The following RNF126 variants were observed in gnomAD, a reference collection of about 807,000 sequenced individuals.
RNF126 encodes E3 ubiquitin-protein ligase RNF126.
RNF126 carries 20 observed loss-of-function variants against 41.9 expected under a neutral mutation model. The observed-to-expected ratio is 0.48, with a 90% confidence interval of 0.34 to 0.69. RNF126 has a LOEUF of 0.69. RNF126 is among the 30% of genes least tolerant of loss of function. The pLI is 0.01. For missense variants in RNF126, 433 were observed against 460.6 expected, an observed-to-expected ratio of 0.94 and a Z score of 0.55; for synonymous variants, 239 against 202.9, an observed-to-expected ratio of 1.18 and a Z score of -1.51.
chr19:652,798 C>T, intron 2 of RNF126, 28 bp downstream of exon 2: 1 of 1,609,548 alleles, frequency 6.2e-7, no homozygotes, highest in Non-Finnish European at 8.5e-7. Flanking sequence ...CTGGCTCTTC[C>T]AGCCTCTTCA....
At chr19:652,423 C>T (rs549853640) in intron 2 of RNF126, 127 bp from the exon 3 acceptor site, 100 of 831,030 alleles carry the variant, frequency 1.2e-4, no homozygotes, top group Admixed American at 5.5e-4. Flanking sequence ...CACCCGCCAC[C>T]GCCCCAGCAT....
At chr19:655,036 G>A (rs560500745) in intron 1 of RNF126, among the ~76,000 whole-genome samples, 1 of 152,212 alleles carries the variant, frequency 6.6e-6, no homozygotes, top group African/African-American at 2.4e-5. Context: ...CAGGCCAGGT[G>A]CAGCAGCTCA....
chr19:647,820 C>T lies in RNF126; in HGVS notation c.*308G>A, dbSNP rs1018223020. 1.1e-5 allele frequency: 5 copies of T among 470,024 alleles called. No individual in the cohort carries two copies. Among genetic ancestry groups the T allele is most frequent in the Non-Finnish European group, 2.0e-5 (5 of 252,146 alleles). 29.1% of individuals were successfully genotyped at this position (470,024 alleles called of 1,614,324 possible). A position where few individuals can be genotyped will look rare whatever the true frequency, so the allele number is the denominator to read the frequency against. The stretch of plus-strand genomic sequence containing the variant: ...TGCATGGCCGCCACGTGAGCTCAAA[C>T]GTCCGTTTATTTCAAAGCAGTAATA... On this transcript the variant is annotated 3_prime_UTR_variant, in exon 9 of 9. Coordinates refer to ENST00000292363, the MANE Select transcript of RNF126 (RefSeq NM_194460.3).
chr19:652,361 C>A, intron 2 of RNF126, 65 bp from the exon 3 acceptor site: 1 of 1,357,378 alleles, frequency 7.4e-7, no homozygotes. Flanking sequence ...GGCGCTCCCT[C>A]CCCTCAAAAG....
chr19:656,666 G>A (rs1397703421), intron 1 of RNF126, among the ~76,000 whole-genome samples: 1 of 152,008 alleles, frequency 6.6e-6, no homozygotes, highest in Non-Finnish European at 1.5e-5. Flanking sequence ...AAAGAAAAAG[G>A]GAAAGGGGAA....
chr19:660,419 C>G (rs560291772), intron 1 of RNF126, among the ~76,000 whole-genome samples: 5 of 152,332 alleles, frequency 3.3e-5, no homozygotes, highest in Non-Finnish European at 5.9e-5. Context: ...GCCAGTCCCC[C>G]CTGCGTCAGA....
In RNF126 at chr19:648,248, G is replaced by A; in HGVS notation, c.816C>T (p.Ser272=). 1.3e-6 allele frequency: 2 copies of A among 1,584,504 alleles called. No homozygotes were observed. The highest frequency in any genetic ancestry group is 8.6e-7 in the Non-Finnish European group (1 of 1,165,716). ...QHDSCPVCRK[S]LTGQNTATNP... is the part of the protein sequence containing the mutation. ...TCGTGGCCGTGTTCTGTCCCGTGAG[G>A]CTTTTTCGGCAGACGGGGCAGCTGT... Residue 272 remains serine, a synonymous_variant, in exon 9 of 9, where the codon AGC becomes AGT. Coordinates refer to ENST00000292363, the MANE Select transcript of RNF126 (RefSeq NM_194460.3).
intron 1 of RNF126, among the ~76,000 whole-genome samples, chr19:661,568 C>A (rs1001620508): frequency 2.0e-5 from 3 of 152,138 alleles, no homozygotes; most frequent in Admixed American, 6.5e-5. Flanking sequence ...GAGAGGAAAC[C>A]ACACCTCTCT....
At position 663,113 on chromosome 19, in the gene RNF126, C is replaced by T. The variant is rs1267572362; in HGVS notation, c.9G>A (p.Glu3=). 9 of 1,320,286 alleles carry T rather than the reference C, an allele frequency of 6.8e-6. No individual in the cohort carries two copies. The highest frequency in any genetic ancestry group is 8.8e-6 in the Non-Finnish European group (9 of 1,028,498). The allele number at this position is 1,320,286 out of a possible 1,614,324, so 81.8% of individuals were successfully genotyped here. A position where few individuals can be genotyped will look rare whatever the true frequency, so the allele number is the denominator to read the frequency against. ...AGTACCGTCCGGGATGCGGCGACGC[C>T]TCGGCCATGGCCGCCGCCACCTACT... MA[E]ASPHPGRYFC... is the part of the protein sequence containing the mutation. The change falls in exon 1 of 9, where the codon GAG becomes GAA. Residue 3 remains glutamate (E), a synonymous_variant. Transcript: ENST00000292363.
intron 2 of RNF126, 22 bp downstream of exon 2, chr19:652,804 C>T (rs1195405373): frequency 6.2e-7 from 1 of 1,611,558 alleles, no homozygotes; most frequent in Admixed American, 1.7e-5. Context: ...CTTCCAGCCT[C>T]TTCAACAGGG....
At chr19:649,182 G>A (rs2030133383) in intron 6 of RNF126, 1 of 372,528 alleles carries the variant, frequency 2.7e-6, no homozygotes, top group Admixed American at 4.4e-5. Flanking sequence ...ATGGGGGAAT[G>A]GGCGGAGGCC....
chr19:648,313 C>A, intron 8 of RNF126, 36 bp from the exon 9 acceptor site: 2 of 1,116,838 alleles, frequency 1.8e-6, no homozygotes, highest in African/African-American at 2.6e-5. Flanking sequence ...GGAGAAGGGG[C>A]AGGTTAGAGG....
Position 659,928 on chromosome 19 carries a change from C to G in RNF126, c.75+3119G>C, listed in dbSNP as rs760438282. Reference sequence around the variant, plus strand: ...ACAGGTGCCTGCCACCACGCCTGGCCAATCTTTTGTATTTTTAGTAGGGAT... The same window carrying G: ...ACAGGTGCCTGCCACCACGCCTGGCGAATCTTTTGTATTTTTAGTAGGGAT... On this transcript the variant is annotated intron_variant, in intron 1 of 8. Transcript: ENST00000292363. This position sits in a 1 kb window ranked among gnomAD's most constrained non-coding sequence, Gnocchi z 4.9. 1.3e-5 allele frequency among the ~76,000 whole-genome samples: 2 copies of G among 152,116 alleles called. No individual in the cohort carries two copies. The highest frequency in any genetic ancestry group is 2.9e-5 in the Non-Finnish European group (2 of 68,006).
intron 1 of RNF126, among the ~76,000 whole-genome samples, chr19:660,752 C>T (rs1425523060): frequency 6.6e-6 from 1 of 152,206 alleles, no homozygotes; most frequent in Non-Finnish European, 1.5e-5. Flanking sequence ...ACCACCTCAG[C>T]CCCCGCCAGT....
intron 1 of RNF126, among the ~76,000 whole-genome samples, chr19:660,022 C>T (rs1348325501): frequency 1.3e-5 from 2 of 152,226 alleles, no homozygotes; most frequent in African/African-American, 4.8e-5. Context: ...ACCTCAGCCT[C>T]CCAAAGCGAT....
Position 652,822 on chromosome 19 carries a change from T to C in RNF126, c.134+4A>G. ...CCAGCCTCTTCAACAGGGGGCTGCA[T>C]TACCTGGTCTCTTCCGGAAGCTCCT... On this transcript the variant is annotated splice_donor_region_variant and intron_variant, in intron 2 of 8. Transcript: ENST00000292363. The C allele has an allele frequency of 6.2e-7, 1 of 1,612,732 alleles. No homozygotes were observed. Among genetic ancestry groups the C allele is most frequent in the East Asian group, 2.2e-5 (1 of 44,872 alleles).
At chr19:660,353 G>A (rs942288297) in intron 1 of RNF126, among the ~76,000 whole-genome samples, 3 of 152,240 alleles carry the variant, frequency 2.0e-5, no homozygotes, top group Non-Finnish European at 4.4e-5. Context: ...AAGGAGGCCC[G>A]GAACGGCCCA....
intron 1 of RNF126, among the ~76,000 whole-genome samples, chr19:660,524 G>C (rs2030754714): frequency 6.6e-6 from 1 of 152,256 alleles, no homozygotes. Context: ...CAGCGGCAGA[G>C]ACGCCCCGTT....
In RNF126 at chr19:651,747, C is replaced by T. The variant is rs750221836; in HGVS notation, c.307G>A (p.Asp103Asn). Reference sequence around the variant, plus strand: ...CGGCTCTCAGGGTCCCTGCCGTCGTCAGCCTGCGCCCCAGGAGGGAACGTG... The same window carrying T: ...CGGCTCTCAGGGTCCCTGCCGTCGTTAGCCTGCGCCCCAGGAGGGAACGTG... Reference protein sequence around the residue: ...IPTFPPGAQADDGRDPESRRE... With the variant: ...IPTFPPGAQANDGRDPESRRE... The change falls in exon 4 of 9, where the codon GAC (aspartate) becomes AAC (asparagine). Residue 103 changes from aspartate (D) to asparagine (N), a missense_variant. This residue lies in a region of RNF126 where 247 missense variants were observed against 224.7 expected (regional missense o/e 1.10). Coordinates refer to ENST00000292363, the MANE Select transcript of RNF126 (RefSeq NM_194460.3). 5 of 1,612,434 alleles carry T rather than the reference C, an allele frequency of 3.1e-6. No individual in the cohort carries two copies. Among genetic ancestry groups the T allele is most frequent in the Admixed American group, 1.7e-5 (1 of 59,986 alleles).
Sources: gnomAD v4.1 joint callset for allele counts (sites outside exome capture counted in the v4.1 genomes callset) on GRCh38, gnomAD v4.1.1 for gene constraint, gnomAD v4.1.1 regional missense constraint, Gnocchi (gnomAD v3.1) non-coding constraint, MANE v1.5 for transcripts, NCBI Gene and HGNC (gene_info 2026-07-23, HGNC 2026-07-21) for gene names.